The following FRMD6 variants were observed in gnomAD, a reference collection of about 807,000 sequenced individuals.
The protein encoded by FRMD6 is FERM domain-containing protein 6.
Under a neutral mutation model 73.2 loss-of-function variants are expected in FRMD6, and 37 were observed. The ratio of observed to expected loss-of-function variants is 0.51; its 90% confidence interval spans 0.39 to 0.66. FRMD6 has a LOEUF of 0.66. Ranked by LOEUF, FRMD6 falls within the 30% of genes least tolerant of loss-of-function variation. FRMD6 has a pLI of 0.00. For synonymous variants in FRMD6, 273 were observed against 282.2 expected, an observed-to-expected ratio of 0.97 and a Z score of 0.33; for missense variants, 714 against 780.5, an observed-to-expected ratio of 0.91 and a Z score of 1.02.
chr14:51,475,781 C>T, the FRMD6 span, among the ~76,000 whole-genome samples: 2 of 152,168 alleles, frequency 1.3e-5, no homozygotes, highest in African/African-American at 2.4e-5. Context: ...CCAAAGTGCT[C>T]ATGAAATTAC....
intron 1 of FRMD6, among the ~76,000 whole-genome samples, chr14:51,512,169 A>G (rs1227135577): frequency 6.6e-6 from 1 of 152,172 alleles, no homozygotes; most frequent in Non-Finnish European, 1.5e-5. Context: ...CTTTATCTTT[A>G]AAGGGTTGGC....
Position 51,729,988 on chromosome 14 carries a change from GTTTTAC to G in FRMD6, c.*1962_*1967del, listed in dbSNP as rs1296982748. On this transcript the variant is annotated 3_prime_UTR_variant, in exon 14 of 14. Transcript: ENST00000344768. ...AGTATGAAAGGATCATTTAATGACT[GTTTTAC>G]TTATAAGTCATTAAGTAATCCACCA... The G allele has an allele frequency of 6.6e-6, 1 of 152,586 alleles. No individual in the cohort carries two copies. The highest frequency in any genetic ancestry group is 1.5e-5 in the Non-Finnish European group (1 of 68,038). The allele number at this position is 152,586 out of a possible 1,614,324, so 9.5% of individuals were successfully genotyped here. A position where few individuals can be genotyped will look rare whatever the true frequency, so the allele number is the denominator to read the frequency against.
upstream of FRMD6, among the ~76,000 whole-genome samples, chr14:51,484,778 G>A (rs1288205132): frequency 3.3e-5 from 5 of 152,222 alleles, no homozygotes; most frequent in African/African-American, 9.6e-5. Flanking sequence ...AGTGGATGAT[G>A]AGTGCCAGTT....
chr14:51,553,480 T>C (rs556041468), intron 1 of FRMD6, among the ~76,000 whole-genome samples: 12 of 152,364 alleles, frequency 7.9e-5, no homozygotes, highest in East Asian at 7.7e-4. Context: ...ATATTTATTA[T>C]TGAGCATTTA....
chr14:51,631,275 G>C (rs975414989), intron 2 of FRMD6, among the ~76,000 whole-genome samples: 3 of 152,152 alleles, frequency 2.0e-5, no homozygotes, highest in Non-Finnish European at 4.4e-5. Context: ...AAGGAACGGA[G>C]CACTTACAAG....
the FRMD6 span, among the ~76,000 whole-genome samples, chr14:51,439,356 C>A: frequency 2.5e-4 from 38 of 152,190 alleles, no homozygotes; most frequent in Non-Finnish European, 1.0e-4. Context: ...TTTTTCCTCA[C>A]CTGGTGAAGC....
chr14:51,709,025 T>C (rs1896793061), intron 7 of FRMD6, among the ~76,000 whole-genome samples: 1 of 152,170 alleles, frequency 6.6e-6, no homozygotes, highest in Non-Finnish European at 1.5e-5. Flanking sequence ...CACAGTACTC[T>C]ATATCATCTT....
Position 51,698,247 on chromosome 14 carries a change from C to A in FRMD6, c.190+15C>A. The A allele has an allele frequency of 1.9e-6, 3 of 1,572,020 alleles. No individual in the cohort carries two copies. The highest frequency in any genetic ancestry group is 4.5e-5 in the East Asian group (2 of 44,492). On this transcript the variant is annotated intron_variant, in intron 3 of 13. Coordinates refer to ENST00000344768, the MANE Select transcript of FRMD6 (RefSeq NM_001267046.2). ...TGTTATACAAAGTAAGTCTTAGAGC[C>A]CTCTCTGATGGATTTAGCCAACTAT... is the stretch of plus-strand genomic sequence containing the variant.
At chr14:51,488,023 G>A (rs1000462826), upstream of FRMD6, among the ~76,000 whole-genome samples, 32 of 152,212 alleles carry the variant, frequency 2.1e-4, no homozygotes, top group Non-Finnish European at 1.6e-4. Flanking sequence ...TTCAAACGAT[G>A]TAGTAACGAG....
At chr14:51,550,589 CCATGCTT>C (rs1886766168) in intron 1 of FRMD6, among the ~76,000 whole-genome samples, 1 of 149,850 alleles carries the variant, frequency 6.7e-6, no homozygotes, top group East Asian at 1.9e-4. Flanking sequence ...GACCCCCCCG[CCATGCTT>C]ATAGCTTGAA....
the FRMD6 span, among the ~76,000 whole-genome samples, chr14:51,462,477 G>A: frequency 1.3e-5 from 2 of 152,114 alleles, no homozygotes; most frequent in African/African-American, 4.8e-5. Flanking sequence ...CCCTTGCTGA[G>A]TTTAGGACTC....
At chr14:51,466,118 TA>T in the FRMD6 span, among the ~76,000 whole-genome samples, 1 of 152,230 alleles carries the variant, frequency 6.6e-6, no homozygotes, top group Non-Finnish European at 1.5e-5. Flanking sequence ...TCGAATACTT[TA>T]CCCATTAAAA....
At chr14:51,535,335 A>G (rs1885819603) in intron 1 of FRMD6, among the ~76,000 whole-genome samples, 1 of 152,204 alleles carries the variant, frequency 6.6e-6, no homozygotes, top group Non-Finnish European at 1.5e-5. Context: ...GAAACCCTAT[A>G]CTGTTTACCA....
chr14:51,426,951 GA>G, the FRMD6 span, among the ~76,000 whole-genome samples: 1 of 152,162 alleles, frequency 6.6e-6, no homozygotes, highest in Non-Finnish European at 1.5e-5. Flanking sequence ...ATGACCACAA[GA>G]AAATAGATCT....
intron 1 of FRMD6, among the ~76,000 whole-genome samples, chr14:51,551,280 A>T (rs1886816424): frequency 6.6e-6 from 1 of 152,240 alleles, no homozygotes; most frequent in South Asian, 2.1e-4. Context: ...TTTGACACAA[A>T]TACAAATTTT....
In FRMD6 at chr14:51,721,755, G is replaced by GAAGGAGGA. The variant is rs1897620239; in HGVS notation, c.1361-187_1361-186insAAAGGAGG. Among the ~76,000 whole-genome samples, 5 of 127,424 alleles carry GAAGGAGGA rather than the reference G, an allele frequency of 3.9e-5. No homozygotes were observed. In the South Asian group the frequency reaches 1.3e-3, roughly 33 times the overall value. 83.6% of individuals were successfully genotyped at this position (127,424 alleles called of 152,430 possible). ...GGGAGGGAGGAAGGAAGGGAGGAAG[G>GAAGGAGGA]AAGGAGGGAAGGAGGGAAGGAGTAA... is the stretch of plus-strand genomic sequence containing the variant. On this transcript the variant is annotated intron_variant, in intron 11 of 13. Transcript: ENST00000344768.
intron 2 of FRMD6, among the ~76,000 whole-genome samples, chr14:51,599,247 C>T (rs1889897519): frequency 6.6e-6 from 1 of 151,870 alleles, no homozygotes; most frequent in Non-Finnish European, 1.5e-5. Flanking sequence ...GGGAAAAGGA[C>T]TTCTTATTCA....
At chr14:51,525,483 G>C (rs546824166) in intron 1 of FRMD6, among the ~76,000 whole-genome samples, 2 of 152,008 alleles carry the variant, frequency 1.3e-5, no homozygotes, top group Non-Finnish European at 2.9e-5. Context: ...TGGCCAGGCT[G>C]GTCTTGATCT....
chr14:51,610,338 TAAAA>T, intron 2 of FRMD6, among the ~76,000 whole-genome samples: 2 of 142,370 alleles, frequency 1.4e-5, no homozygotes, highest in Middle Eastern at 3.5e-3. Flanking sequence ...CCTTTTTTTT[TAAAA>T]AAAAAAAAAG....
Sources: allele counts gnomAD v4.1 joint callset (sites outside exome capture counted in the v4.1 genomes callset), GRCh38; gene constraint gnomAD v4.1.1; transcripts MANE v1.5; gene names NCBI Gene and HGNC (gene_info 2026-07-23, HGNC 2026-07-21).